The following DGKI variants were observed in gnomAD, a reference collection of about 807,000 sequenced individuals.
DGKI encodes diacylglycerol kinase iota, also known as DAG kinase iota.
A neutral mutation model predicts 147.5 loss-of-function variants in DGKI; 55 were observed. The observed-to-expected ratio is 0.37, with a 90% confidence interval of 0.30 to 0.47. The LOEUF (loss-of-function observed/expected upper bound fraction) is 0.47. Among genes scored for constraint, DGKI ranks in the 20% least tolerant of loss-of-function variants. DGKI has a pLI of 1.00. For synonymous variants in DGKI, 469 were observed against 477.1 expected, an observed-to-expected ratio of 0.98 and a Z score of 0.22; for missense variants, 1,007 against 1,323.8, an observed-to-expected ratio of 0.76 and a Z score of 3.71.
intron 1 of DGKI, among the ~76,000 whole-genome samples, chr7:137,841,472 A>G (rs1563222452): frequency 1.3e-5 from 2 of 152,324 alleles, no homozygotes; most frequent in South Asian, 2.1e-4. Flanking sequence ...TATCCACTGT[A>G]AGAAAAGCTC....
chr7:137,603,783 A>G (rs1268849508), intron 10 of DGKI, among the ~76,000 whole-genome samples: 1 of 152,262 alleles, frequency 6.6e-6, no homozygotes, highest in Non-Finnish European at 1.5e-5. Context: ...GTAAAGGCAC[A>G]AAAGGTGTGA....
Position 137,596,725 on chromosome 7 carries a change from A to G in DGKI, c.1311+1122T>C, listed in dbSNP as rs543117674. On this transcript the variant is annotated intron_variant, in intron 12 of 32. Coordinates refer to ENST00000614521, the MANE Select transcript of DGKI (RefSeq NM_001321708.2). The stretch of plus-strand genomic sequence containing the variant: ...TGAACATTGTTTTTACTCTCCACAC[A>G]GTATCTGAGAGACCAATAAAAATCA... 8.5e-5 allele frequency among the ~76,000 whole-genome samples: 13 copies of G among 152,330 alleles called. 1 individual carries two copies. In the South Asian group the frequency reaches 2.1e-3, roughly 24 times the overall value.
At chr7:137,617,123 CCAAAAAAAAAAA>C (rs1742843355) in intron 8 of DGKI, among the ~76,000 whole-genome samples, 1 of 58,440 alleles carries the variant, frequency 1.7e-5, no homozygotes, top group African/African-American at 1.1e-4. Flanking sequence ...ATCCCTTTTA[CCAAAAAAAAAAA>C]AAAAAAAAAA....
At chr7:137,662,504 A>G (rs1212485544) in intron 3 of DGKI, among the ~76,000 whole-genome samples, 1 of 149,092 alleles carries the variant, frequency 6.7e-6, no homozygotes, top group Non-Finnish European at 1.5e-5. Context: ...TGGCCTCCCA[A>G]AGTGCTGGGA....
intron 1 of DGKI, among the ~76,000 whole-genome samples, chr7:137,838,359 C>A (rs1585554918): frequency 6.6e-6 from 1 of 152,220 alleles, no homozygotes; most frequent in Admixed American, 6.5e-5. Context: ...TCCATAAGGA[C>A]AATGATGAGA....
At chr7:137,529,965 T>C (rs1307097915) in intron 20 of DGKI, among the ~76,000 whole-genome samples, 1 of 152,154 alleles carries the variant, frequency 6.6e-6, no homozygotes, top group Non-Finnish European at 1.5e-5. Flanking sequence ...ATAAGGCTGG[T>C]CTCAAACTCC....
chr7:137,485,959 G>C (rs915769778), intron 22 of DGKI, among the ~76,000 whole-genome samples: 5 of 152,046 alleles, frequency 3.3e-5, no homozygotes, highest in Non-Finnish European at 7.4e-5. Flanking sequence ...AATTAACAGG[G>C]TTGAAATTAA....
intron 1 of DGKI, among the ~76,000 whole-genome samples, chr7:137,825,665 C>T (rs1405277243): frequency 1.3e-5 from 2 of 151,674 alleles, no homozygotes; most frequent in Non-Finnish European, 2.9e-5. Flanking sequence ...CACACACATA[C>T]ACACACTCAC....
chr7:137,521,888 G>A lies in DGKI; in HGVS notation c.2226C>T (p.Asp742=). 6.2e-7 allele frequency: 1 copy of A among 1,611,550 alleles called. No individual in the cohort carries two copies. Residue 742 remains aspartate, a synonymous_variant, in exon 21 of 33, where the codon GAC becomes GAT. Coordinates refer to ENST00000614521, the MANE Select transcript of DGKI (RefSeq NM_001321708.2). ...SLQDYEGFHY[D]KEKLREASIP... Reference sequence around the variant, plus strand: ...TACAAGCTTCTCGGAGTTTCTCCTTGTCATAGTGGAATCCTTCATAGTCTT... The same window carrying A: ...TACAAGCTTCTCGGAGTTTCTCCTTATCATAGTGGAATCCTTCATAGTCTT...
intron 15 of DGKI, among the ~76,000 whole-genome samples, chr7:137,579,610 T>A (rs1030779559): frequency 1.3e-5 from 2 of 152,086 alleles, no homozygotes; most frequent in African/African-American, 4.8e-5. Context: ...AGTTATTTAA[T>A]TTTTTTACCA....
chr7:137,702,154 G>A (rs1402558900), intron 1 of DGKI, among the ~76,000 whole-genome samples: 1 of 152,022 alleles, frequency 6.6e-6, no homozygotes, highest in Non-Finnish European at 1.5e-5. Flanking sequence ...CATCAAGAAG[G>A]ATCACAGATA....
chr7:137,756,616 TA>T (rs1795691045), intron 1 of DGKI, among the ~76,000 whole-genome samples: 1 of 152,236 alleles, frequency 6.6e-6, no homozygotes, highest in Admixed American at 6.5e-5. Flanking sequence ...ACTTAGCTAG[TA>T]AACCTAGTTA....
chr7:137,442,816 T>C (rs1813561468), intron 28 of DGKI, among the ~76,000 whole-genome samples: 1 of 152,196 alleles, frequency 6.6e-6, no homozygotes, highest in African/African-American at 2.4e-5. Context: ...TTGCTCTTCG[T>C]TGGAAACTAT....
intron 6 of DGKI, among the ~76,000 whole-genome samples, chr7:137,637,847 C>A (rs1007873954): frequency 1.3e-5 from 2 of 151,986 alleles, no homozygotes; most frequent in African/African-American, 4.8e-5. Context: ...TATTTCATTT[C>A]ATTGTTTTTT....
Position 137,638,520 on chromosome 7 carries a change from A to G in DGKI, c.804+6952T>C, listed in dbSNP as rs112947483. Reference sequence around the variant, plus strand: ...TATATATGTATATATATGTGTGTATATATATACACACACATATATGTATAT... The same window carrying G: ...TATATATGTATATATATGTGTGTATGTATATACACACACATATATGTATAT... On this transcript the variant is annotated intron_variant, in intron 6 of 32. Transcript: ENST00000614521. Among the ~76,000 whole-genome samples, 42 of 121,358 alleles carry G rather than the reference A, an allele frequency of 3.5e-4. 6 individuals carry two copies. Among genetic ancestry groups the G allele is most frequent in the Admixed American group, 2.3e-3 (28 of 12,296 alleles). The allele number at this position is 121,358 out of a possible 152,430, so 79.6% of individuals were successfully genotyped here.
intron 1 of DGKI, among the ~76,000 whole-genome samples, chr7:137,757,638 C>T (rs1795729975): frequency 6.6e-6 from 1 of 152,168 alleles, no homozygotes; most frequent in African/African-American, 2.4e-5. Flanking sequence ...CAACACCTGT[C>T]CCTCCACCTC....
chr7:137,780,239 T>G (rs890217482), intron 1 of DGKI, among the ~76,000 whole-genome samples: 1 of 152,236 alleles, frequency 6.6e-6, no homozygotes, highest in Non-Finnish European at 1.5e-5. Context: ...TAAGTACCAT[T>G]TCTTAAGACT....
intron 17 of DGKI, among the ~76,000 whole-genome samples, chr7:137,576,883 C>A (rs139102997): frequency 1.6e-3 from 249 of 152,202 alleles, no homozygotes; most frequent in African/African-American, 5.9e-3. Context: ...TCTTCCTGAC[C>A]CCACCATAGT....
At chr7:137,419,122 A>G (rs1208304766) in intron 28 of DGKI, among the ~76,000 whole-genome samples, 3 of 152,320 alleles carry the variant, frequency 2.0e-5, no homozygotes, top group East Asian at 3.9e-4. Flanking sequence ...CTTCCACTAT[A>G]TGATGCTGTT....
Sources: allele counts gnomAD v4.1 joint callset (sites outside exome capture counted in the v4.1 genomes callset), GRCh38; gene constraint gnomAD v4.1.1; transcripts MANE v1.5; gene names NCBI Gene and HGNC (gene_info 2026-07-23, HGNC 2026-07-21).